Variants in EPM2A observed in about 807,000 individuals in gnomAD.
EPM2A encodes the protein laforin.
A neutral mutation model predicts 26.5 loss-of-function variants in EPM2A; 21 were observed. That is an observed-to-expected ratio of 0.79 (90% CI 0.56 to 1.14). EPM2A has a LOEUF of 1.14. Ranked by LOEUF, EPM2A falls within the 50% of genes most tolerant of loss-of-function variation. The pLI is 0.00. For missense variants in EPM2A, 458 were observed against 440.8 expected (o/e 1.04, Z -0.35); for synonymous variants, 217 against 177.6 (o/e 1.22, Z -1.76).
chr6:145,644,215 T>C (rs1777290870), intron 2 of EPM2A, among the ~76,000 whole-genome samples: 1 of 152,214 alleles, frequency 6.6e-6, no homozygotes, highest in African/African-American at 2.4e-5. Flanking sequence ...CTGTTGTTAA[T>C]GCTAATATTA....
chr6:145,616,862 C>G (rs1305249179), intron 2 of EPM2A, among the ~76,000 whole-genome samples: 1 of 152,204 alleles, frequency 6.6e-6, no homozygotes, highest in Non-Finnish European at 1.5e-5. Context: ...AATGCCTGCA[C>G]CCCCATTGTA....
At chr6:145,405,775 C>T (rs188832004) in intron 4 of EPM2A, among the ~76,000 whole-genome samples, 1 of 152,220 alleles carries the variant, frequency 6.6e-6, no homozygotes, top group Non-Finnish European at 1.5e-5. Flanking sequence ...AATAGTCATT[C>T]TGGAAACTGT....
chr6:145,425,997 C>T (rs1171662623), intron 4 of EPM2A, among the ~76,000 whole-genome samples: 1 of 152,030 alleles, frequency 6.6e-6, no homozygotes, highest in African/African-American at 2.4e-5. Context: ...TTTAAAAAGC[C>T]TCTGTAGGAA....
chr6:145,510,930 A>G (rs1024267458), intron 2 of EPM2A, among the ~76,000 whole-genome samples: 13 of 152,180 alleles, frequency 8.5e-5, no homozygotes, highest in Non-Finnish European at 1.5e-4. Context: ...TCTCCAATAG[A>G]AATACAAAAT....
chr6:145,532,982 T>C (rs1780381903), intron 2 of EPM2A, among the ~76,000 whole-genome samples: 1 of 152,134 alleles, frequency 6.6e-6, no homozygotes, highest in Admixed American at 6.5e-5. Context: ...TCAGCCTTAA[T>C]CTCCCTCTTA....
intron 2 of EPM2A, among the ~76,000 whole-genome samples, chr6:145,533,766 A>C (rs1427843230): frequency 3.3e-5 from 5 of 151,918 alleles, no homozygotes. Context: ...TCCCCCACCA[A>C]TCACTTTCTG....
At chr6:145,552,371 A>G (rs796703530) in intron 2 of EPM2A, among the ~76,000 whole-genome samples, 5 of 152,142 alleles carry the variant, frequency 3.3e-5, no homozygotes, top group African/African-American at 1.2e-4. Flanking sequence ...ATAACCTACA[A>G]GGGAATGACA....
chr6:145,418,192 A>G (rs1778734452), intron 4 of EPM2A, among the ~76,000 whole-genome samples: 1 of 152,192 alleles, frequency 6.6e-6, no homozygotes, highest in Non-Finnish European at 1.5e-5. Flanking sequence ...TCTACTGCAC[A>G]CAAGCAACCA....
intron 4 of EPM2A, among the ~76,000 whole-genome samples, chr6:145,478,639 A>T (rs1582786802): frequency 6.6e-6 from 1 of 151,772 alleles, no homozygotes; most frequent in Non-Finnish European, 1.5e-5. Context: ...CTCTTCTAAC[A>T]TAAGCATCTG....
chr6:145,499,228 C>CATCTACCTTATTTCTCATCT (rs1779858245), downstream of EPM2A, among the ~76,000 whole-genome samples: 2 of 152,216 alleles, frequency 1.3e-5, no homozygotes, highest in Admixed American at 1.3e-4. Flanking sequence ...TGACATCTTA[C>CATCTACCTTATTTCTCATCT]ATCTACCTTA....
At chr6:145,559,188 T>C (rs1780772023) in intron 2 of EPM2A, among the ~76,000 whole-genome samples, 1 of 152,086 alleles carries the variant, frequency 6.6e-6, no homozygotes, top group African/African-American at 2.4e-5. Context: ...ATCTCATCCT[T>C]GACAATCAGG....
chr6:145,489,480 G>C, intron 4 of EPM2A: 1 of 526,310 alleles, frequency 1.9e-6, no homozygotes, highest in Non-Finnish European at 3.4e-6. Flanking sequence ...CTGGGGAAGA[G>C]GAATCAATTT....
downstream of EPM2A, among the ~76,000 whole-genome samples, chr6:145,498,809 G>A (rs1779853813): frequency 2.0e-5 from 3 of 152,262 alleles, no homozygotes; most frequent in South Asian, 6.2e-4. Context: ...CTTCCAGTCA[G>A]TCAACTTGGC....
chr6:145,450,682 C>T (rs1779185507), intron 4 of EPM2A, among the ~76,000 whole-genome samples: 1 of 152,192 alleles, frequency 6.6e-6, no homozygotes, highest in African/African-American at 2.4e-5. Context: ...GTACTGGTAA[C>T]TGCAGATGCT....
chr6:145,672,553 A>G (rs1007175076), intron 2 of EPM2A, among the ~76,000 whole-genome samples: 8 of 152,238 alleles, frequency 5.3e-5, no homozygotes, highest in Non-Finnish European at 1.0e-4. Flanking sequence ...AACTAGTTGA[A>G]AGCCTGTTTA....
chr6:145,611,012 T>C (rs1158621740), intron 2 of EPM2A, among the ~76,000 whole-genome samples: 2 of 152,208 alleles, frequency 1.3e-5, no homozygotes, highest in East Asian at 3.8e-4. Flanking sequence ...AACAGTTCTA[T>C]AATGAGCTAC....
intron 2 of EPM2A, among the ~76,000 whole-genome samples, chr6:145,601,718 T>C (rs1781418876): frequency 6.6e-6 from 1 of 152,230 alleles, no homozygotes; most frequent in Non-Finnish European, 1.5e-5. Flanking sequence ...GTGGCTAATA[T>C]GCACCTCTTC....
Position 145,625,725 on chromosome 6 carries a change from C to T in EPM2A, c.*1691G>A, listed in dbSNP as rs750320097. On this transcript the variant is annotated 3_prime_UTR_variant, in exon 4 of 4. Coordinates refer to ENST00000367519, the MANE Select transcript of EPM2A (RefSeq NM_005670.4). ...GTGGAAATGTGTCCTGGCTAGCTGC[C>T]TCTGCCCAAAGCAAATGTCATCTCC... The T allele has an allele frequency of 5.8e-6, 5 of 859,802 alleles. No homozygotes were observed. Among genetic ancestry groups the T allele is most frequent in the Admixed American group, 1.7e-5 (1 of 58,494 alleles). The allele number at this position is 859,802 out of a possible 1,614,324, so 53.3% of individuals were successfully genotyped here.
chr6:145,710,664 A>G (rs1327656375), intron 1 of EPM2A, among the ~76,000 whole-genome samples: 1 of 152,156 alleles, frequency 6.6e-6, no homozygotes, highest in Non-Finnish European at 1.5e-5. Flanking sequence ...ATAAAGACAC[A>G]TGCACATGTA....
Sources: gnomAD v4.1 joint callset for allele counts (sites outside exome capture counted in the v4.1 genomes callset) on GRCh38, gnomAD v4.1.1 for gene constraint, MANE v1.5 for transcripts, NCBI Gene and HGNC (gene_info 2026-07-23, HGNC 2026-07-21) for gene names.